SETD2: variants seen among roughly 807,000 people sequenced by gnomAD.
The protein encoded by SETD2 is SET domain containing 2, histone lysine methyltransferase.
SETD2 carries 31 observed loss-of-function variants against 242.1 expected under a neutral mutation model. The observed-to-expected ratio is 0.13, with a 90% confidence interval of 0.10 to 0.17. The LOEUF is 0.17. Among genes scored for constraint, SETD2 ranks in the 10% least tolerant of loss-of-function variants. SETD2 has a pLI of 1.00. For missense variants in SETD2, 2,481 were observed against 3,046.3 expected (o/e 0.81, Z 4.37); for synonymous variants, 1,006 against 1,066.5 (o/e 0.94, Z 1.11).
intron 16 of SETD2, 105 bp from the exon 17 acceptor site, chr3:47,042,805 T>G: frequency 9.8e-7 from 1 of 1,017,850 alleles, no homozygotes; most frequent in South Asian, 1.6e-5. Flanking sequence ...ATCTACCTCC[T>G]CTTAAAAAAA....
intron 18 of SETD2, among the ~76,000 whole-genome samples, chr3:47,035,174 C>T (rs1337558420): frequency 6.6e-6 from 1 of 152,114 alleles, no homozygotes; most frequent in African/African-American, 2.4e-5. Flanking sequence ...ACCTTGGGAC[C>T]TTGTATCACT....
In SETD2 at chr3:47,017,929, G is replaced by A. The variant is rs545141566; in HGVS notation, c.7432-190C>T. ...GATCTGAGAAAAGGATACGGGCTCAGCCTGAGAGGGAAAGAGCTCCCCTGG... is the reference window on the plus strand; with the variant it reads ...GATCTGAGAAAAGGATACGGGCTCAACCTGAGAGGGAAAGAGCTCCCCTGG... On this transcript the variant is annotated intron_variant, in intron 19 of 20. Transcript: ENST00000409792. This position sits in a 1 kb window ranked among gnomAD's most constrained non-coding sequence, Gnocchi z 4.8. Among the ~76,000 whole-genome samples the A allele has an allele frequency of 6.6e-6, 1 of 152,336 alleles. No individual in the cohort carries two copies. Among genetic ancestry groups the A allele is most frequent in the East Asian group, 1.9e-4 (1 of 5,190 alleles).
intron 12 of SETD2, among the ~76,000 whole-genome samples, chr3:47,078,650 A>G (rs895661796): frequency 6.6e-6 from 1 of 151,870 alleles, no homozygotes; most frequent in African/African-American, 2.4e-5. Context: ...TAAGTACACT[A>G]AAGTTACACA....
chr3:47,140,656 T>G (rs895985951), intron 1 of SETD2, among the ~76,000 whole-genome samples: 1 of 151,504 alleles, frequency 6.6e-6, no homozygotes, highest in African/African-American at 2.4e-5. Context: ...AGGTCAGGAG[T>G]TCAAGATCAG....
rs1241448462 is a variant in SETD2 at position 47,122,234 on chromosome 3, T to G, written c.2402A>C (p.Asn801Thr). 1 of 1,613,964 alleles carries G rather than the reference T, an allele frequency of 6.2e-7. No homozygotes were observed. The highest frequency in any genetic ancestry group is 8.5e-7 in the Non-Finnish European group (1 of 1,179,990). The change falls in exon 3 of 21, where the codon AAC (asparagine) becomes ACC (threonine). Residue 801 changes from asparagine to threonine, a missense_variant. By Grantham distance (65) the Asn-to-Thr change is moderately conservative. Around this residue, in one of 17 missense-constraint regions of SETD2, gnomAD observed 1,300 missense variants for 1,259.2 expected, o/e 1.03. Transcript: ENST00000409792. Reference sequence around the variant, plus strand: ...AGCTTCAGAGTTACACAAAGAAGGGTTGCTATCGTTCAAAGTACAGTATAT... The same window carrying G: ...AGCTTCAGAGTTACACAAAGAAGGGGTGCTATCGTTCAAAGTACAGTATAT... The part of the protein sequence containing the change: ...SDIYCTLNDS[N>T]PSLCNSEAEN...
At chr3:47,094,125 A>G (rs2041914658) in intron 9 of SETD2, among the ~76,000 whole-genome samples, 1 of 152,168 alleles carries the variant, frequency 6.6e-6, no homozygotes, top group Admixed American at 6.5e-5. Context: ...TACATAAATT[A>G]TTATTGATTT....
intron 18 of SETD2, among the ~76,000 whole-genome samples, chr3:47,033,900 A>AC (rs2038888926): frequency 6.6e-6 from 1 of 151,926 alleles, no homozygotes; most frequent in South Asian, 2.1e-4. Flanking sequence ...CAAACTCCTG[A>AC]CCTCAGGTGA....
chr3:47,115,378 T>A (rs754502087), intron 4 of SETD2, among the ~76,000 whole-genome samples: 1 of 152,196 alleles, frequency 6.6e-6, no homozygotes, highest in Non-Finnish European at 1.5e-5. Context: ...GAAGAATGAC[T>A]AGGGCAACAA....
intron 9 of SETD2, among the ~76,000 whole-genome samples, chr3:47,090,857 T>C (rs1051954566): frequency 1.3e-5 from 2 of 151,966 alleles, no homozygotes; most frequent in African/African-American, 2.4e-5. Flanking sequence ...CTTAAGAAAA[T>C]TTTCTATTAC....
chr3:47,027,508 A>G (rs952888463), intron 18 of SETD2, among the ~76,000 whole-genome samples: 177 of 152,120 alleles, frequency 1.2e-3, no homozygotes, highest in African/African-American at 4.2e-3. Context: ...ACGTGTATAC[A>G]TATGTAACAA....
At chr3:47,101,923 G>A (rs1033777173) in intron 7 of SETD2, among the ~76,000 whole-genome samples, 1 of 152,152 alleles carries the variant, frequency 6.6e-6, no homozygotes, top group Non-Finnish European at 1.5e-5. Flanking sequence ...GGATGCTTGT[G>A]TCACTGAGTA....
rs1458756498 is a variant in SETD2 at position 47,059,942 on chromosome 3, C to A, written c.6293+2221G>T. Among the ~76,000 whole-genome samples the A allele has an allele frequency of 6.6e-5, 10 of 152,218 alleles. No homozygotes were observed. The East Asian group carries it at 1.5e-3, about 24-fold the overall frequency. On this transcript the variant is annotated intron_variant, in intron 14 of 20. Transcript: ENST00000409792. The stretch of plus-strand genomic sequence containing the variant: ...GGGATTACAGGCATGAGCCACCATG[C>A]CCAGCTAATTTTTTGTATTTTTAAT...
At chr3:47,054,196 A>G (rs1219536109) in intron 15 of SETD2, among the ~76,000 whole-genome samples, 1 of 152,200 alleles carries the variant, frequency 6.6e-6, no homozygotes. Context: ...GGGAATCAGT[A>G]AGTACTTCTT....
intron 12 of SETD2, among the ~76,000 whole-genome samples, chr3:47,075,564 C>CAAAAAAAAAAAAA (rs55635941): frequency 1.3e-5 from 1 of 76,456 alleles, no homozygotes; most frequent in Non-Finnish European, 2.5e-5. Flanking sequence ...AACTCCGTCT[C>CAAAAAAAAAAAAA]AAAAAAAAAA....
chr3:47,039,578 A>C (rs2039179694), intron 17 of SETD2, among the ~76,000 whole-genome samples: 2 of 150,818 alleles, frequency 1.3e-5, no homozygotes, highest in African/African-American at 4.9e-5. Flanking sequence ...TAAAAAACAA[A>C]GTTCTGGCCA....
intron 17 of SETD2, among the ~76,000 whole-genome samples, chr3:47,038,086 C>T (rs1364821416): frequency 6.6e-6 from 1 of 152,160 alleles, no homozygotes; most frequent in African/African-American, 2.4e-5. Flanking sequence ...GCAAATAAGA[C>T]TGGGCAAAGC....
intron 18 of SETD2, among the ~76,000 whole-genome samples, chr3:47,023,197 G>A (rs1172672530): frequency 1.3e-5 from 2 of 152,018 alleles, no homozygotes; most frequent in Admixed American, 6.6e-5. Flanking sequence ...TCAGGAGTTC[G>A]AGACCAGCCT....
intron 1 of SETD2, among the ~76,000 whole-genome samples, chr3:47,130,810 C>CA (rs756279989): frequency 2.0e-5 from 3 of 151,600 alleles, no homozygotes; most frequent in South Asian, 2.1e-4. Context: ...AGTTATCTGT[C>CA]AAAAAAATAG....
At chr3:47,074,162 T>TG (rs1377661748) in intron 12 of SETD2, among the ~76,000 whole-genome samples, 1 of 152,182 alleles carries the variant, frequency 6.6e-6, no homozygotes, top group Admixed American at 6.5e-5. Flanking sequence ...TCTTTATAAA[T>TG]TGATATCAAG....
Sources: gnomAD v4.1 joint callset for allele counts (sites outside exome capture counted in the v4.1 genomes callset) on GRCh38, gnomAD v4.1.1 for gene constraint, gnomAD v4.1.1 regional missense constraint, Gnocchi (gnomAD v3.1) non-coding constraint, MANE v1.5 for transcripts, NCBI Gene and HGNC (gene_info 2026-07-23, HGNC 2026-07-21) for gene names.